Variants in LRRC4C observed in about 807,000 individuals in gnomAD.
LRRC4C encodes the protein leucine-rich repeat-containing protein 4C.
LRRC4C carries 5 observed loss-of-function variants against 33.6 expected under a neutral mutation model. The ratio of observed to expected loss-of-function variants is 0.15; its 90% CI spans 0.08 to 0.31. LRRC4C has a LOEUF of 0.31. Among genes scored for constraint, LRRC4C ranks in the 10% least tolerant of loss-of-function variants. The probability of loss-of-function intolerance (pLI) is 1.00; values close to 1 mark genes in which losing one functional copy is unlikely to be tolerated. For missense variants in LRRC4C, 560 were observed against 796.7 expected (o/e 0.70, Z 3.58); for synonymous variants, 329 against 302.0 (o/e 1.09, Z -0.93).
At chr11:41,274,803 C>T (rs529630285) in intron 1 of LRRC4C, among the ~76,000 whole-genome samples, 21 of 152,184 alleles carry the variant, frequency 1.4e-4, no homozygotes, top group Non-Finnish European at 2.4e-4. Flanking sequence ...ACAGTCACTG[C>T]GAAGGTCTGT....
chr11:40,382,091 G>C (rs1488653515), intron 3 of LRRC4C, among the ~76,000 whole-genome samples: 1 of 147,970 alleles, frequency 6.8e-6, no homozygotes, highest in Non-Finnish European at 1.5e-5. Context: ...CAAGTAGCTG[G>C]GACTACAGGC....
chr11:41,415,333 A>G (rs896990808), intron 1 of LRRC4C, among the ~76,000 whole-genome samples: 6 of 152,100 alleles, frequency 3.9e-5, no homozygotes, highest in Admixed American at 6.6e-5. Flanking sequence ...GAATGGACAG[A>G]AGGTTTGAGG....
At chr11:40,384,311 A>G (rs1259268559) in intron 3 of LRRC4C, among the ~76,000 whole-genome samples, 1 of 152,126 alleles carries the variant, frequency 6.6e-6, no homozygotes, top group East Asian at 1.9e-4. Flanking sequence ...GTAAAGAAAA[A>G]CTATATTGAA....
chr11:40,531,436 A>G (rs1956268360), intron 3 of LRRC4C, among the ~76,000 whole-genome samples: 1 of 152,150 alleles, frequency 6.6e-6, no homozygotes, highest in African/African-American at 2.4e-5. Flanking sequence ...AGTGGTAGGC[A>G]GCATAATCTG....
Position 41,062,894 on chromosome 11 carries a change from T to A in LRRC4C, c.-495-129171A>T, listed in dbSNP as rs529092042. Among the ~76,000 whole-genome samples the A allele has an allele frequency of 2.6e-5, 4 of 152,124 alleles. No homozygotes were observed. The South Asian group carries it at 6.2e-4, about 24-fold the overall frequency. On this transcript the variant is annotated intron_variant, in intron 1 of 6. Transcript: ENST00000528697. ...AGATTGGAATCATGCTGCCAGAAAC[T>A]ATGGCATTTCAAGGATTTCTAGCAA...
intron 2 of LRRC4C, among the ~76,000 whole-genome samples, chr11:40,810,038 T>C (rs1306788502): frequency 1.3e-5 from 2 of 152,226 alleles, no homozygotes; most frequent in Non-Finnish European, 2.9e-5. Context: ...CAAATATTTT[T>C]AAAACCTTTG....
intron 3 of LRRC4C, among the ~76,000 whole-genome samples, chr11:40,623,892 A>T (rs1962690773): frequency 6.6e-6 from 1 of 152,144 alleles, no homozygotes; most frequent in African/African-American, 2.4e-5. Context: ...CCTCTACATT[A>T]TAAAAACTCA....
At chr11:40,459,720 T>C (rs1243113554) in intron 3 of LRRC4C, among the ~76,000 whole-genome samples, 1 of 152,122 alleles carries the variant, frequency 6.6e-6, no homozygotes, top group Non-Finnish European at 1.5e-5. Context: ...AAAGCTCTAT[T>C]TGGGAGTCTG....
At chr11:41,042,376 G>A (rs1857493640) in intron 1 of LRRC4C, among the ~76,000 whole-genome samples, 1 of 152,048 alleles carries the variant, frequency 6.6e-6, no homozygotes, top group Non-Finnish European at 1.5e-5. Context: ...CCCTTTACAG[G>A]CATCTAACTT....
intron 1 of LRRC4C, among the ~76,000 whole-genome samples, chr11:41,275,998 T>C (rs1591131562): frequency 1.3e-5 from 2 of 152,290 alleles, no homozygotes; most frequent in South Asian, 4.1e-4. Flanking sequence ...TGAAAATGTT[T>C]GTACACGTTG....
At chr11:40,733,982 T>C (rs1947733200) in intron 2 of LRRC4C, among the ~76,000 whole-genome samples, 1 of 152,182 alleles carries the variant, frequency 6.6e-6, no homozygotes, top group Admixed American at 6.5e-5. Flanking sequence ...CTTTAGGTAG[T>C]AAAAAGATGC....
At chr11:40,658,919 G>T (rs551965692) in intron 2 of LRRC4C, among the ~76,000 whole-genome samples, 1 of 152,196 alleles carries the variant, frequency 6.6e-6, no homozygotes, top group Non-Finnish European at 1.5e-5. Flanking sequence ...GGGAGGAACT[G>T]CTGGGGCTGC....
At chr11:40,476,038 C>G (rs943055881) in intron 3 of LRRC4C, among the ~76,000 whole-genome samples, 4 of 152,110 alleles carry the variant, frequency 2.6e-5, no homozygotes, top group Non-Finnish European at 4.4e-5. Context: ...CCAGTAATAC[C>G]CTCCTGCATC....
At chr11:41,148,090 C>T (rs1359360482) in intron 1 of LRRC4C, among the ~76,000 whole-genome samples, 2 of 152,094 alleles carry the variant, frequency 1.3e-5, no homozygotes, top group East Asian at 1.9e-4. Context: ...GCCATCTCGG[C>T]TCACTGTAAC....
At chr11:40,314,996 A>T (rs955262583) in intron 4 of LRRC4C, among the ~76,000 whole-genome samples, 1 of 152,054 alleles carries the variant, frequency 6.6e-6, no homozygotes, top group Non-Finnish European at 1.5e-5. Context: ...TCACTATCGG[A>T]CAACTGTAGT....
At chr11:41,112,931 T>C (rs538661968) in intron 1 of LRRC4C, among the ~76,000 whole-genome samples, 1 of 152,194 alleles carries the variant, frequency 6.6e-6, no homozygotes, top group East Asian at 1.9e-4. Flanking sequence ...TATTAATTTG[T>C]GTGTATGACT....
intron 2 of LRRC4C, among the ~76,000 whole-genome samples, chr11:40,774,975 C>T (rs534732254): frequency 2.6e-5 from 4 of 151,804 alleles, no homozygotes; most frequent in South Asian, 4.2e-4. Flanking sequence ...ATATAAGCAA[C>T]CTATGTCCAA....
At chr11:41,344,175 C>T (rs1951726177) in intron 1 of LRRC4C, among the ~76,000 whole-genome samples, 1 of 151,992 alleles carries the variant, frequency 6.6e-6, no homozygotes, top group Non-Finnish European at 1.5e-5. Flanking sequence ...CTTCCAGAGC[C>T]CAGTGATTTT....
chr11:40,964,945 C>A (rs894752766), intron 1 of LRRC4C, among the ~76,000 whole-genome samples: 22 of 152,234 alleles, frequency 1.4e-4, no homozygotes, highest in Non-Finnish European at 2.6e-4. Context: ...GGAATCACCA[C>A]ACTGACTTCC....
Sources: gnomAD v4.1 joint callset for allele counts (sites outside exome capture counted in the v4.1 genomes callset) on GRCh38, gnomAD v4.1.1 for gene constraint, MANE v1.5 for transcripts, NCBI Gene and HGNC (gene_info 2026-07-23, HGNC 2026-07-21) for gene names.